Variants in UGT1A10 observed in about 807,000 individuals in gnomAD.
UGT1A10 encodes UDP-glucuronosyltransferase 1A10.
UGT1A10 carries 49 observed loss-of-function variants against 45.8 expected under a neutral mutation model. The observed-to-expected ratio is 1.07, with a 90% CI of 0.85 to 1.36. The LOEUF (loss-of-function observed/expected upper bound fraction) is 1.36. Among genes scored for constraint, UGT1A10 ranks in the 40% most tolerant of loss-of-function variants. UGT1A10 has a pLI of 0.00. For synonymous variants in UGT1A10, 284 were observed against 249.7 expected, an observed-to-expected ratio of 1.14 and a Z score of -1.29; for missense variants, 745 against 668.6, an observed-to-expected ratio of 1.11 and a Z score of -1.26.
chr2:233,661,624 T>TTTCC (rs1553602625), intron 1 of UGT1A10, among the ~76,000 whole-genome samples: 19 of 14,108 alleles, frequency 1.3e-3, no homozygotes, highest in Non-Finnish European at 1.4e-4. Flanking sequence ...CTTACTGAAT[T>TTTCC]TTCTTTCTTT....
chr2:233,743,642 C>T (rs756255073), intron 1 of UGT1A10: 3 of 1,367,306 alleles, frequency 2.2e-6, no homozygotes, highest in South Asian at 1.1e-5. Flanking sequence ...GTCGCGGAAG[C>T]TGAAGACGTA....
intron 1 of UGT1A10, among the ~76,000 whole-genome samples, chr2:233,651,451 T>C (rs1292104030): frequency 6.6e-6 from 1 of 152,336 alleles, no homozygotes; most frequent in East Asian, 1.9e-4. Flanking sequence ...TTGTATGTAT[T>C]AAAGGATAGG....
At chr2:233,658,487 A>T (rs1279183604) in intron 1 of UGT1A10, among the ~76,000 whole-genome samples, 1 of 152,206 alleles carries the variant, frequency 6.6e-6, no homozygotes, top group Non-Finnish European at 1.5e-5. Context: ...AATGACATTT[A>T]GCCCATCACG....
chr2:233,715,158 T>G (rs1299357923), intron 1 of UGT1A10, among the ~76,000 whole-genome samples: 2 of 152,186 alleles, frequency 1.3e-5, no homozygotes, highest in Admixed American at 6.5e-5. Context: ...AGTGCTGGAA[T>G]TACAGGCGCG....
intron 1 of UGT1A10, among the ~76,000 whole-genome samples, chr2:233,758,432 C>A (rs1404622059): frequency 6.6e-6 from 1 of 152,194 alleles, no homozygotes; most frequent in African/African-American, 2.4e-5. Flanking sequence ...TGAACTCACA[C>A]AGCATTGGGA....
intron 1 of UGT1A10, among the ~76,000 whole-genome samples, chr2:233,724,340 A>G (rs1575552395): frequency 1.9e-5 from 2 of 104,210 alleles, no homozygotes; most frequent in Admixed American, 9.6e-5. Context: ...CGGGGGGCTG[A>G]CCCCCCCCAC....
At chr2:233,716,635 G>A (rs977802865) in intron 1 of UGT1A10, among the ~76,000 whole-genome samples, 5 of 151,972 alleles carry the variant, frequency 3.3e-5, no homozygotes, top group African/African-American at 4.8e-5. Context: ...AGTTTTTATC[G>A]TTTGTACTTT....
At chr2:233,673,074 A>G (rs900439525) in intron 1 of UGT1A10, among the ~76,000 whole-genome samples, 1 of 152,186 alleles carries the variant, frequency 6.6e-6, no homozygotes, top group Non-Finnish European at 1.5e-5. Flanking sequence ...TAAGAAATGA[A>G]ACTTCCCTTT....
chr2:233,658,388 A>G (rs1490323278), intron 1 of UGT1A10, among the ~76,000 whole-genome samples: 1 of 152,218 alleles, frequency 6.6e-6, no homozygotes, highest in Non-Finnish European at 1.5e-5. Context: ...TTGATACATT[A>G]TGATGAACTA....
chr2:233,704,855 C>T (rs1453613831), intron 1 of UGT1A10, among the ~76,000 whole-genome samples: 2 of 152,044 alleles, frequency 1.3e-5, no homozygotes, highest in Admixed American at 6.6e-5. Context: ...AGAATAGGGC[C>T]GGGCACGGTG....
At chr2:233,738,140 C>T (rs975001541) in intron 1 of UGT1A10, among the ~76,000 whole-genome samples, 3 of 152,224 alleles carry the variant, frequency 2.0e-5, no homozygotes, top group African/African-American at 7.2e-5. Context: ...CTTATCCCTT[C>T]ACTTGCAAGC....
In UGT1A10 at chr2:233,636,623, A is replaced by T; in HGVS notation, c.101A>T (p.Asp34Val). The stretch of plus-strand genomic sequence containing the variant: ...GGGAAGCTGCTGGTAGTGCCCATGG[A>T]TGGGAGTCACTGGTTCACCATGCAG... The part of the protein sequence containing the change: ...EAGKLLVVPM[D>V]GSHWFTMQSV... The change falls in exon 1 of 5, where the codon GAT (aspartate) becomes GTT (valine). Residue 34 changes from aspartate (D) to valine (V), a missense_variant. Asp to Val is a radical substitution (Grantham distance 152). Coordinates refer to ENST00000344644, the MANE Select transcript of UGT1A10 (RefSeq NM_019075.4). 1 of 1,614,010 alleles carries T rather than the reference A, an allele frequency of 6.2e-7. No individual in the cohort carries two copies. Among genetic ancestry groups the T allele is most frequent in the Non-Finnish European group, 8.5e-7 (1 of 1,180,000 alleles).
intron 1 of UGT1A10, among the ~76,000 whole-genome samples, chr2:233,674,935 G>A (rs1240946008): frequency 1.3e-5 from 2 of 152,304 alleles, no homozygotes; most frequent in Non-Finnish European, 2.9e-5. Flanking sequence ...GGAAAAGCAT[G>A]CAGTTGGTTA....
At chr2:233,662,219 T>C (rs973480230) in intron 1 of UGT1A10, among the ~76,000 whole-genome samples, 2 of 152,214 alleles carry the variant, frequency 1.3e-5, no homozygotes, top group Admixed American at 6.5e-5. Context: ...TTAAAATAGA[T>C]TTGTGTCTAT....
intron 1 of UGT1A10, chr2:233,743,329 A>G: frequency 4.0e-6 from 3 of 753,958 alleles, no homozygotes; most frequent in East Asian, 1.3e-4. Context: ...ACCATCAACT[A>G]TTTCAGTGGA....
intron 1 of UGT1A10, among the ~76,000 whole-genome samples, chr2:233,748,613 G>C (rs1489441058): frequency 6.6e-6 from 1 of 151,820 alleles, no homozygotes; most frequent in South Asian, 2.1e-4. Flanking sequence ...AGCAACGAAC[G>C]TGGGATATAT....
At chr2:233,701,311 G>A (rs2075622392) in intron 1 of UGT1A10, among the ~76,000 whole-genome samples, 1 of 152,048 alleles carries the variant, frequency 6.6e-6, no homozygotes, top group African/African-American at 2.4e-5. Context: ...TTCCACAATG[G>A]TTGAACTAGT....
chr2:233,646,279 G>A (rs909292821), intron 1 of UGT1A10, among the ~76,000 whole-genome samples: 1 of 151,988 alleles, frequency 6.6e-6, no homozygotes, highest in African/African-American at 2.4e-5. Flanking sequence ...GGCCTGTGAT[G>A]GGAGGGACTG....
In UGT1A10 at chr2:233,636,797, T is replaced by A. The variant is rs28969680; in HGVS notation, c.275T>A (p.Val92Asp). 4.3e-6 allele frequency: 7 copies of A among 1,614,200 alleles called. 1 individual carries two copies. The East Asian group carries it at 1.1e-4, about 26-fold the overall frequency. Residue 92 changes from valine (V) to aspartate (D), a missense_variant, in exon 1 of 5, where the codon GTT (valine) becomes GAT (aspartate). Physicochemically the swap from Val to Asp is radical, Grantham distance 152. Coordinates refer to ENST00000344644, the MANE Select transcript of UGT1A10 (RefSeq NM_019075.4). ...GAAGATCAGAACCGGGAATTCATGG[T>A]TTTCGCCCATGCTCAATGGAAAGCA... ...TLEDQNREFM[V>D]FAHAQWKAQA...
Sources: gnomAD v4.1 joint callset for allele counts (sites outside exome capture counted in the v4.1 genomes callset) on GRCh38, gnomAD v4.1.1 for gene constraint, MANE v1.5 for transcripts, NCBI Gene and HGNC (gene_info 2026-07-23, HGNC 2026-07-21) for gene names.